The following ETFA variants were observed in gnomAD, a reference collection of about 807,000 sequenced individuals.
ETFA encodes the protein electron transfer flavoprotein subunit alpha.
Under a neutral mutation model 46.2 loss-of-function variants are expected in ETFA, and 22 were observed. The ratio of observed to expected loss-of-function variants is 0.48; its 90% confidence interval spans 0.34 to 0.68. The LOEUF (loss-of-function observed/expected upper bound fraction) is 0.68, where lower values mean the gene tolerates loss of function less well. Among genes scored for constraint, ETFA ranks in the 30% least tolerant of loss-of-function variants. ETFA has a pLI of 0.01. For synonymous variants in ETFA, 131 were observed against 139.9 expected (o/e 0.94, Z 0.45); for missense variants, 345 against 401.1 (o/e 0.86, Z 1.19).
chr15:76,258,534 G>A (rs991784533), intron 9 of ETFA, among the ~76,000 whole-genome samples: 5 of 152,166 alleles, frequency 3.3e-5, no homozygotes, highest in African/African-American at 1.2e-4. Flanking sequence ...TGACTTGGAG[G>A]GGCAAACCTG....
intron 9 of ETFA, among the ~76,000 whole-genome samples, chr15:76,256,109 T>G (rs2039343160): frequency 6.6e-6 from 1 of 151,760 alleles, no homozygotes; most frequent in Admixed American, 6.6e-5. Flanking sequence ...AATACAAAAA[T>G]TAGCCAGGCA....
chr15:76,308,460 C>T (rs2039958400), intron 1 of ETFA, among the ~76,000 whole-genome samples: 2 of 152,254 alleles, frequency 1.3e-5, no homozygotes, highest in East Asian at 1.9e-4. Context: ...ATATGATGCA[C>T]GGGGAACACA....
At chr15:76,306,962 G>A (rs1165861527) in intron 1 of ETFA, among the ~76,000 whole-genome samples, 4 of 152,122 alleles carry the variant, frequency 2.6e-5, no homozygotes, top group Non-Finnish European at 5.9e-5. Context: ...ATTAAAATTT[G>A]CATGCAAATT....
At chr15:76,270,460 A>AAT (rs2039517766) in intron 9 of ETFA, among the ~76,000 whole-genome samples, 2 of 152,200 alleles carry the variant, frequency 1.3e-5, no homozygotes, top group South Asian at 2.1e-4. Flanking sequence ...TATGCAGGTA[A>AAT]ATATATATAT....
In ETFA at chr15:76,280,015, C is replaced by T. The variant is rs556683646; in HGVS notation, c.733+3742G>A. On this transcript the variant is annotated intron_variant, in intron 8 of 11. Coordinates refer to ENST00000557943, the MANE Select transcript of ETFA (RefSeq NM_000126.4). ...CTGGGCTCAAGAGATCCTCCTGCCT[C>T]AGCCTCCAGAGTAGCAGGGACTACA... Among the ~76,000 whole-genome samples the T allele has an allele frequency of 4.6e-5, 7 of 152,078 alleles. No homozygotes were observed. In the East Asian group the frequency reaches 1.4e-3, roughly 30 times the overall value.
intron 9 of ETFA, among the ~76,000 whole-genome samples, chr15:76,249,687 C>A (rs1242475461): frequency 6.6e-6 from 1 of 151,910 alleles, no homozygotes; most frequent in African/African-American, 2.4e-5. Flanking sequence ...GTGATCCGCC[C>A]GCCTCGGCCT....
At chr15:76,295,565 T>C in intron 2 of ETFA, 26 bp downstream of exon 2, 1 of 1,599,636 alleles carries the variant, frequency 6.3e-7, no homozygotes, top group South Asian at 1.1e-5. Flanking sequence ...TAATATTTGC[T>C]ATGGCTGACC....
At chr15:76,248,967 AG>A (rs1262287396) in intron 9 of ETFA, among the ~76,000 whole-genome samples, 2 of 152,194 alleles carry the variant, frequency 1.3e-5, no homozygotes, top group East Asian at 3.9e-4. Context: ...AAATATTCAA[AG>A]GGAAAAAAAC....
intron 10 of ETFA, among the ~76,000 whole-genome samples, chr15:76,226,651 G>T (rs2039007616): frequency 6.6e-6 from 1 of 152,080 alleles, no homozygotes; most frequent in African/African-American, 2.4e-5. Context: ...GGCCGAGGTG[G>T]GCAGATCACA....
At chr15:76,239,263 T>C (rs980481233) in intron 9 of ETFA, among the ~76,000 whole-genome samples, 10 of 152,200 alleles carry the variant, frequency 6.6e-5, no homozygotes, top group African/African-American at 2.4e-4. Flanking sequence ...TACTGAGGTA[T>C]ATTTGACACA....
At chr15:76,283,904 G>C in intron 7 of ETFA, 79 bp from the exon 8 acceptor site, 2 of 1,016,508 alleles carry the variant, frequency 2.0e-6, no homozygotes, top group Non-Finnish European at 3.0e-6. Flanking sequence ...TTATATACTG[G>C]AGTAAATTTT....
At chr15:76,265,594 T>C (rs2039462867) in intron 9 of ETFA, among the ~76,000 whole-genome samples, 1 of 152,230 alleles carries the variant, frequency 6.6e-6, no homozygotes, top group Non-Finnish European at 1.5e-5. Context: ...CGGGTATCGT[T>C]GGCGTAGGGA....
At chr15:76,261,316 A>G in intron 9 of ETFA, 2 of 1,492,314 alleles carry the variant, frequency 1.3e-6, no homozygotes, top group East Asian at 2.3e-5. Flanking sequence ...CGTGAGCCAC[A>G]CTGGCTGGGA....
chr15:76,237,794 A>G (rs960767736), intron 9 of ETFA, among the ~76,000 whole-genome samples: 1 of 152,236 alleles, frequency 6.6e-6, no homozygotes, highest in African/African-American at 2.4e-5. Context: ...TTAAAATGGT[A>G]ACTATTACTA....
intron 9 of ETFA, among the ~76,000 whole-genome samples, chr15:76,271,884 T>C (rs1402714403): frequency 6.7e-6 from 1 of 148,268 alleles, no homozygotes; most frequent in African/African-American, 2.5e-5. Context: ...TATATGTATA[T>C]GCACATATAT....
intron 9 of ETFA, chr15:76,245,070 A>G (rs2039231689): frequency 1.3e-5 from 2 of 152,238 alleles, no homozygotes; most frequent in Admixed American, 1.3e-4. Context: ...GTTTTTAACT[A>G]TTGTACAACC....
intron 11 of ETFA, among the ~76,000 whole-genome samples, 184 bp downstream of exon 11, chr15:76,225,665 A>G (rs2142107850): frequency 6.6e-6 from 1 of 152,360 alleles, no homozygotes; most frequent in East Asian, 1.9e-4. Flanking sequence ...AACAACACAT[A>G]TCTACTCTTA....
At chr15:76,227,791 G>A (rs1019262024) in intron 10 of ETFA, 1 of 455,994 alleles carries the variant, frequency 2.2e-6, no homozygotes, top group Non-Finnish European at 4.4e-6. Context: ...TAAAATACAG[G>A]CTACAGGATA....
chr15:76,306,124 A>T, intron 1 of ETFA, among the ~76,000 whole-genome samples: 1 of 152,112 alleles, frequency 6.6e-6, no homozygotes, highest in South Asian at 2.1e-4. Context: ...GAAGAAAAAA[A>T]GCTGGAATCT....
Sources: allele counts gnomAD v4.1 joint callset (sites outside exome capture counted in the v4.1 genomes callset), GRCh38; gene constraint gnomAD v4.1.1; transcripts MANE v1.5; gene names NCBI Gene and HGNC (gene_info 2026-07-23, HGNC 2026-07-21).